Variants in DIAPH2 observed in about 807,000 individuals in gnomAD.
DIAPH2 encodes the protein protein diaphanous homolog 2.
A neutral mutation model predicts 92.7 loss-of-function variants in DIAPH2; 35 were observed. The observed-to-expected ratio is 0.38, with a 90% CI of 0.29 to 0.50. The LOEUF (loss-of-function observed/expected upper bound fraction) is 0.50. DIAPH2 is among the 20% of genes least tolerant of loss of function. The pLI is 0.94. For synonymous variants in DIAPH2, 301 were observed against 280.4 expected, an observed-to-expected ratio of 1.07 and a Z score of -0.73; for missense variants, 701 against 819.5, an observed-to-expected ratio of 0.86 and a Z score of 1.77.
chrX:97,566,556 TTATGTTTA>T (rs1289202651), intron 26 of DIAPH2, among the ~76,000 whole-genome samples: 1 of 112,035 alleles, frequency 8.9e-6, no homozygotes, highest in Non-Finnish European at 1.9e-5. Context: ...ACAAATTTAA[TTATGTTTA>T]TATCAGGCAG....
intron 5 of DIAPH2, among the ~76,000 whole-genome samples, chrX:96,903,085 C>G (rs757480673): frequency 9.2e-6 from 1 of 108,229 alleles, no homozygotes; most frequent in Admixed American, 1.0e-4. Context: ...CTGTTGTTCA[C>G]TCATCAAATA....
intron 23 of DIAPH2, among the ~76,000 whole-genome samples, chrX:97,319,391 CT>C (rs757762768): frequency 0.048 from 4,860 of 101,260 alleles, 100 homozygotes; most frequent in African/African-American, 0.092. Flanking sequence ...TAAAATTCCC[CT>C]TTTTTTTTTT....
intron 4 of DIAPH2, among the ~76,000 whole-genome samples, chrX:96,860,563 T>G (rs1342495993): frequency 1.8e-5 from 2 of 111,937 alleles, no homozygotes; most frequent in Non-Finnish European, 3.8e-5. Flanking sequence ...AATCCTTGTA[T>G]CTATTGACCC....
intron 4 of DIAPH2, among the ~76,000 whole-genome samples, chrX:96,800,224 C>T (rs1020519500): frequency 9.3e-6 from 1 of 107,685 alleles, no homozygotes; most frequent in African/African-American, 3.4e-5. Flanking sequence ...CTTCTCTTAA[C>T]TGCAATTATA....
chrX:97,175,404 C>A (rs2067484217), intron 22 of DIAPH2, among the ~76,000 whole-genome samples: 1 of 111,180 alleles, frequency 9.0e-6, no homozygotes, highest in African/African-American at 3.3e-5. Context: ...GTTATTTGAC[C>A]AATTGAATAA....
chrX:96,888,641 C>CTG (rs1569421277), intron 5 of DIAPH2, among the ~76,000 whole-genome samples: 1 of 93,801 alleles, frequency 1.1e-5, no homozygotes, highest in African/African-American at 4.1e-5. Flanking sequence ...ATATATATAT[C>CTG]TATATATATA....
At chrX:96,806,082 G>A (rs773921628) in intron 4 of DIAPH2, among the ~76,000 whole-genome samples, 4 of 111,815 alleles carry the variant, frequency 3.6e-5, no homozygotes, top group Admixed American at 9.5e-5. Context: ...TTTGAATAGC[G>A]AGCTCTTAGT....
At chrX:96,933,699 GT>G (rs1313907137) in intron 10 of DIAPH2, among the ~76,000 whole-genome samples, 7 of 106,586 alleles carry the variant, frequency 6.6e-5, no homozygotes, top group African/African-American at 2.4e-4. Flanking sequence ...TGCCTCCCGG[GT>G]TCAAGCGATT....
chrX:97,425,422 A>C (rs1347474447), intron 25 of DIAPH2, among the ~76,000 whole-genome samples: 2 of 111,756 alleles, frequency 1.8e-5, no homozygotes, highest in Non-Finnish European at 3.8e-5. Flanking sequence ...TCTGACTACC[A>C]AAAAATGGTG....
rs752311242 is a variant in DIAPH2 at position 96,709,966 on chromosome X, A to G, written c.132+24776A>G. ...AATATGGTAATTTTATTTTGTGAACATGATAAAGTAGGGAATGATTTCAGT... is the reference window on the plus strand; with the variant it reads ...AATATGGTAATTTTATTTTGTGAACGTGATAAAGTAGGGAATGATTTCAGT... On this transcript the variant is annotated intron_variant, in intron 1 of 26. Coordinates refer to ENST00000324765, the MANE Select transcript of DIAPH2 (RefSeq NM_006729.5). Among the ~76,000 whole-genome samples, 10 of 112,253 alleles carry G rather than the reference A, an allele frequency of 8.9e-5. No individual in the cohort carries two copies. In the South Asian group the frequency reaches 2.9e-3, roughly 33 times the overall value.
At chrX:96,902,889 A>G (rs900471690) in intron 5 of DIAPH2, among the ~76,000 whole-genome samples, 1 of 111,723 alleles carries the variant, frequency 9.0e-6, no homozygotes, top group Non-Finnish European at 1.9e-5. Context: ...TGTTTTTGAC[A>G]TCTACATTGA....
At chrX:96,966,018 A>G (rs1361928227) in intron 17 of DIAPH2, among the ~76,000 whole-genome samples, 2 of 111,813 alleles carry the variant, frequency 1.8e-5, no homozygotes, top group Admixed American at 1.9e-4. Context: ...CACCTTTATC[A>G]TTCATTTGTC....
intron 26 of DIAPH2, among the ~76,000 whole-genome samples, chrX:97,487,585 G>A (rs747783895): frequency 7.7e-4 from 86 of 111,582 alleles, no homozygotes; most frequent in South Asian, 3.8e-3. Flanking sequence ...CAATTCTTTC[G>A]GACATATCCC....
chrX:96,994,690 TACAATC>T (rs1476046291), intron 17 of DIAPH2, among the ~76,000 whole-genome samples: 1 of 111,341 alleles, frequency 9.0e-6, no homozygotes, highest in Non-Finnish European at 1.9e-5. Context: ...TCAGGAAACT[TACAATC>T]ATGGCAGAAG....
At chrX:97,475,187 T>C (rs998193360) in intron 26 of DIAPH2, among the ~76,000 whole-genome samples, 4 of 111,876 alleles carry the variant, frequency 3.6e-5, no homozygotes, top group Non-Finnish European at 7.5e-5. Context: ...ATCTCATCTT[T>C]TCAGGCATGA....
intron 26 of DIAPH2, among the ~76,000 whole-genome samples, chrX:97,566,484 T>A (rs1174820760): frequency 8.9e-6 from 1 of 111,886 alleles, no homozygotes; most frequent in Non-Finnish European, 1.9e-5. Flanking sequence ...GTGGAAAGCA[T>A]TTGCAGAGAG....
At chrX:96,940,866 A>G (rs1054536994) in intron 12 of DIAPH2, among the ~76,000 whole-genome samples, 1 of 111,403 alleles carries the variant, frequency 9.0e-6, no homozygotes, top group African/African-American at 3.3e-5. Context: ...TGAATAAATA[A>G]GAAGTTATCC....
intron 19 of DIAPH2, among the ~76,000 whole-genome samples, chrX:97,080,954 G>A (rs190029414): frequency 2.7e-5 from 3 of 111,742 alleles, no homozygotes; most frequent in Non-Finnish European, 5.6e-5. Flanking sequence ...GCATGTGTGC[G>A]TGCACTTTAC....
intron 25 of DIAPH2, among the ~76,000 whole-genome samples, chrX:97,421,375 T>A (rs1211827307): frequency 8.9e-6 from 1 of 111,834 alleles, no homozygotes; most frequent in Non-Finnish European, 1.9e-5. Flanking sequence ...TCCTCTTCTT[T>A]AATAAATGAG....
Sources: gnomAD v4.1 joint callset for allele counts (sites outside exome capture counted in the v4.1 genomes callset) on GRCh38, gnomAD v4.1.1 for gene constraint, MANE v1.5 for transcripts, NCBI Gene and HGNC (gene_info 2026-07-23, HGNC 2026-07-21) for gene names.